The following SLC37A3 variants were observed in gnomAD, a reference collection of about 807,000 sequenced individuals.
SLC37A3 encodes solute carrier family 37 member 3.
Under a neutral mutation model 67.1 loss-of-function variants are expected in SLC37A3, and 51 were observed. That is an observed-to-expected ratio of 0.76 (90% CI 0.61 to 0.96). The LOEUF is 0.96. Ranked by LOEUF, SLC37A3 falls within the 40% of genes least tolerant of loss-of-function variation. The probability of loss-of-function intolerance (pLI) is 0.00; values close to 1 mark genes in which losing one functional copy is unlikely to be tolerated. For missense variants in SLC37A3, 508 were observed against 603.0 expected, an observed-to-expected ratio of 0.84 and a Z score of 1.65; for synonymous variants, 214 against 231.4, an observed-to-expected ratio of 0.92 and a Z score of 0.68.
intron 3 of SLC37A3, 155 bp downstream of exon 3, chr7:140,380,127 C>A: frequency 2.2e-6 from 1 of 446,650 alleles, no homozygotes; most frequent in South Asian, 3.7e-5. Context: ...TCAGAGCAGG[C>A]TTTGAAATTA....
At chr7:140,352,228 A>C (rs1303111050) in intron 7 of SLC37A3, 82 bp from the exon 8 acceptor site, 7 of 62,292 alleles carry the variant, frequency 1.1e-4, no homozygotes, top group Non-Finnish European at 1.1e-4. Context: ...GTGTGGGGGA[A>C]GGTGGGGGTG....
chr7:140,352,639 C>T (rs1796862143), intron 7 of SLC37A3, among the ~76,000 whole-genome samples: 2 of 152,092 alleles, frequency 1.3e-5, no homozygotes, highest in African/African-American at 4.8e-5. Flanking sequence ...AGCAGTAAGA[C>T]AATGTCTTAG....
intron 2 of SLC37A3, among the ~76,000 whole-genome samples, chr7:140,380,833 C>A (rs1798221780): frequency 6.6e-6 from 1 of 151,868 alleles, no homozygotes; most frequent in African/African-American, 2.4e-5. Flanking sequence ...CCTCCCACCA[C>A]TTGGCTTCCC....
intron 1 of SLC37A3, among the ~76,000 whole-genome samples, chr7:140,385,244 G>A (rs1275956795): frequency 6.6e-6 from 1 of 152,140 alleles, no homozygotes; most frequent in Non-Finnish European, 1.5e-5. Flanking sequence ...TCATTTTAAA[G>A]TCATTCTTCT....
intron 3 of SLC37A3, 146 bp from the exon 4 acceptor site, chr7:140,369,828 T>C: frequency 1.5e-6 from 1 of 655,384 alleles, no homozygotes; most frequent in East Asian, 2.8e-5. Context: ...ATAACTAGTA[T>C]AGCCGGGCAC....
chr7:140,374,508 A>AG (rs1046834487), intron 3 of SLC37A3, among the ~76,000 whole-genome samples: 19 of 150,880 alleles, frequency 1.3e-4, no homozygotes, highest in African/African-American at 4.1e-4. Context: ...AAAAAAAAAA[A>AG]AAAAATGAAT....
chr7:140,356,704 T>G (rs1797043522), intron 6 of SLC37A3, among the ~76,000 whole-genome samples: 1 of 151,846 alleles, frequency 6.6e-6, no homozygotes, highest in Non-Finnish European at 1.5e-5. Flanking sequence ...AAAGCAAAAA[T>G]GTTTTTAAAA....
At chr7:140,360,589 C>A (rs1044089914) in intron 5 of SLC37A3, among the ~76,000 whole-genome samples, 2 of 151,834 alleles carry the variant, frequency 1.3e-5, no homozygotes, top group African/African-American at 2.4e-5. Context: ...CAAAAATTAG[C>A]CGGGAATGGT....
chr7:140,361,595 C>T (rs1797297961), intron 5 of SLC37A3, among the ~76,000 whole-genome samples: 1 of 145,124 alleles, frequency 6.9e-6, no homozygotes, highest in African/African-American at 2.5e-5. Flanking sequence ...CCCTCTGATG[C>T]CGAGCCAAAG....
intron 3 of SLC37A3, among the ~76,000 whole-genome samples, chr7:140,374,005 C>A (rs1027248319): frequency 3.3e-5 from 5 of 152,126 alleles, no homozygotes; most frequent in Non-Finnish European, 7.4e-5. Flanking sequence ...AAAAAGCAAT[C>A]CCAAAAACTC....
chr7:140,361,352 C>G (rs1797264730), intron 5 of SLC37A3, among the ~76,000 whole-genome samples: 1 of 151,928 alleles, frequency 6.6e-6, no homozygotes, highest in Non-Finnish European at 1.5e-5. Context: ...TGTGGTGGTG[C>G]ATGCTTGTAA....
At chr7:140,342,203 A>G (rs922795616) in intron 13 of SLC37A3, among the ~76,000 whole-genome samples, 1 of 152,212 alleles carries the variant, frequency 6.6e-6, no homozygotes, top group Non-Finnish European at 1.5e-5. Flanking sequence ...AAGTATTAAC[A>G]TGGCTTACTT....
chr7:140,390,546 A>G (rs1303180195), intron 1 of SLC37A3, among the ~76,000 whole-genome samples: 3 of 151,912 alleles, frequency 2.0e-5, no homozygotes, highest in Non-Finnish European at 4.4e-5. Context: ...GCTTCTTTGA[A>G]ACTCACACCT....
chr7:140,368,955 G>A (rs1797713890), intron 4 of SLC37A3, among the ~76,000 whole-genome samples: 2 of 152,094 alleles, frequency 1.3e-5, no homozygotes, highest in African/African-American at 4.8e-5. Context: ...GGCTCCCAGA[G>A]CAAGTGCACC....
At chr7:140,349,585 T>C (rs923231615) in intron 9 of SLC37A3, among the ~76,000 whole-genome samples, 1 of 152,106 alleles carries the variant, frequency 6.6e-6, no homozygotes, top group African/African-American at 2.4e-5. Flanking sequence ...CTGGCTAGTA[T>C]ATTCTTTTCC....
chr7:140,398,494 C>T lies in SLC37A3; in HGVS notation c.-149G>A, dbSNP rs1242523556. ...GCTTGGCTCCGCTGCCCGCCTCCCC[C>T]GCCGCCAGCTCACCCCTGGCGGTGC... On this transcript the variant is annotated 5_prime_UTR_variant, in exon 1 of 15. Coordinates refer to ENST00000326232, the MANE Select transcript of SLC37A3 (RefSeq NM_207113.3). The T allele has an allele frequency of 3.3e-5, 5 of 152,290 alleles. No homozygotes were observed. The highest frequency in any genetic ancestry group is 9.7e-5 in the African/African-American group (4 of 41,446). 9.4% of individuals were successfully genotyped at this position (152,290 alleles called of 1,614,324 possible).
intron 5 of SLC37A3, among the ~76,000 whole-genome samples, chr7:140,360,334 T>C (rs1797215222): frequency 6.6e-6 from 1 of 151,866 alleles, no homozygotes; most frequent in Admixed American, 6.6e-5. Flanking sequence ...CGAGACCTTA[T>C]CTCTAAAAAA....
At chr7:140,387,518 G>A (rs1798501764) in intron 1 of SLC37A3, among the ~76,000 whole-genome samples, 1 of 148,062 alleles carries the variant, frequency 6.8e-6, no homozygotes, top group African/African-American at 2.5e-5. Flanking sequence ...GGGAGGTTGA[G>A]GCACGAAAAT....
At chr7:140,339,170 C>T (rs1796257151) in intron 13 of SLC37A3, among the ~76,000 whole-genome samples, 1 of 151,988 alleles carries the variant, frequency 6.6e-6, no homozygotes, top group African/African-American at 2.4e-5. Flanking sequence ...TTTCTCCATT[C>T]ATTTGCTGAT....
Sources: allele counts gnomAD v4.1 joint callset (sites outside exome capture counted in the v4.1 genomes callset), GRCh38; gene constraint gnomAD v4.1.1; transcripts MANE v1.5; gene names NCBI Gene and HGNC (gene_info 2026-07-23, HGNC 2026-07-21).